RASSF10: variants seen among roughly 807,000 people sequenced by gnomAD.
RASSF10 encodes ras association domain-containing protein 10.
A neutral mutation model predicts 41.5 loss-of-function variants in RASSF10; 22 were observed. That is an observed-to-expected ratio of 0.53 (90% CI 0.38 to 0.76). The LOEUF is 0.76. RASSF10 is among the 30% of genes least tolerant of loss of function. RASSF10 has a pLI of 0.00. For missense variants in RASSF10, 776 were observed against 711.8 expected, an observed-to-expected ratio of 1.09 and a Z score of -1.03; for synonymous variants, 364 against 319.0, an observed-to-expected ratio of 1.14 and a Z score of -1.50.
rs772857129 is a variant in RASSF10 at position 13,010,935 on chromosome 11, T to C, written c.1359T>C (p.Ser453=). The C allele has an allele frequency of 3.7e-6, 6 of 1,613,466 alleles. No homozygotes were observed. Among genetic ancestry groups the C allele is most frequent in the Non-Finnish European group, 5.1e-6 (6 of 1,179,866 alleles). The change falls in exon 1 of 1, where the codon AGT becomes AGC. Residue 453 remains serine, a synonymous_variant. Coordinates refer to ENST00000529419, the MANE Select transcript of RASSF10 (RefSeq NM_001080521.3). The surrounding 1 kb of genome is among the most constrained non-coding windows in gnomAD (Gnocchi z 4.8). ...CGGATGGGGCTCCTGGCTCTGGCAG[T>C]CCCTCGCGGGAACCTGGGCCTCAAG... ...VAPDGAPGSG[S]PSREPGPQAC... is the part of the protein sequence containing the mutation.
At position 13,010,218 on chromosome 11, in the gene RASSF10, G is replaced by C. The variant is rs760018794; in HGVS notation, c.642G>C (p.Pro214=). ...SSTASSCSSS[P]RTHESASVER... Reference sequence around the variant, plus strand: ...CTGCCTCGTCCTGCTCTTCGTCGCCGCGGACCCACGAGAGCGCGTCGGTGG... The same window carrying C: ...CTGCCTCGTCCTGCTCTTCGTCGCCCCGGACCCACGAGAGCGCGTCGGTGG... Residue 214 remains proline, a synonymous_variant, in exon 1 of 1, where the codon CCG becomes CCC. Transcript: ENST00000529419. The surrounding 1 kb of genome is among the most constrained non-coding windows in gnomAD (Gnocchi z 4.8). The C allele has an allele frequency of 6.3e-7, 1 of 1,591,900 alleles. No homozygotes were observed. Among genetic ancestry groups the C allele is most frequent in the Non-Finnish European group, 8.5e-7 (1 of 1,170,656 alleles).
Position 13,009,987 on chromosome 11 carries a change from C to G in RASSF10, c.411C>G (p.Asn137Lys). ...TGCGCAGCGAGGCATCGCTGCCTAA[C>G]GCCGGCCCCCGCAGCGCCGAGGCGC... ...VLVRSEASLPNAGPRSAEARV... is the reference protein window; with the variant it reads ...VLVRSEASLPKAGPRSAEARV... Residue 137 changes from asparagine to lysine, a missense_variant, in exon 1 of 1, where the codon AAC (asparagine) becomes AAG (lysine). By Grantham distance (94) the Asn-to-Lys change is moderately conservative. Coordinates refer to ENST00000529419, the MANE Select transcript of RASSF10 (RefSeq NM_001080521.3). 1 of 1,546,372 alleles carries G rather than the reference C, an allele frequency of 6.5e-7. No individual in the cohort carries two copies. Among genetic ancestry groups the G allele is most frequent in the Non-Finnish European group, 8.7e-7 (1 of 1,144,194 alleles).
At position 13,009,640 on chromosome 11, in the gene RASSF10, C is replaced by T; in HGVS notation, c.64C>T (p.Leu22Phe). ...ICQEEKLVSG[L>F]SRRTTCSDVV... Reference sequence around the variant, plus strand: ...CCAGGAAGAGAAGCTGGTGTCCGGCCTCTCCCGCCGCACCACTTGCTCCGA... The same window carrying T: ...CCAGGAAGAGAAGCTGGTGTCCGGCTTCTCCCGCCGCACCACTTGCTCCGA... Residue 22 changes from leucine to phenylalanine, a missense_variant, in exon 1 of 1, where the codon CTC becomes TTC. Physicochemically the swap from Leu to Phe is conservative, Grantham distance 22 (BLOSUM62 0). Transcript: ENST00000529419. The T allele has an allele frequency of 1.2e-6, 2 of 1,601,762 alleles. No individual in the cohort carries two copies. The highest frequency in any genetic ancestry group is 1.7e-6 in the Non-Finnish European group (2 of 1,174,372).
rs775475574 is a variant in RASSF10, at chr11:13,009,901, C to A, written c.325C>A (p.Arg109Ser). The change falls in exon 1 of 1, where the codon CGC becomes AGC. Residue 109 changes from arginine to serine, a missense_variant. By Grantham distance (110) the Arg-to-Ser change is moderately radical. Coordinates refer to ENST00000529419, the MANE Select transcript of RASSF10 (RefSeq NM_001080521.3). ...TGAGCGCATCCTCCCCAACAAGACG[C>A]GCATCTTGCGCCTCTGGGCTGCCTG... The part of the protein sequence containing the change: ...GFERILPNKT[R>S]ILRLWAAWGE... 33 of 1,603,304 alleles carry A rather than the reference C, an allele frequency of 2.1e-5. 1 individual carries two copies. In the South Asian group the frequency reaches 3.2e-4, roughly 16 times the overall value.
In RASSF10 at chr11:13,011,697, T is replaced by C. The variant is rs1392225589; in HGVS notation, c.*597T>C. ...ACCCATCTGCTAAATCATTTGTCTT[T>C]TATTTTCTTTCAAAGGCTAAACTGT... On this transcript the variant is annotated 3_prime_UTR_variant, in exon 1 of 1. Transcript: ENST00000529419. The C allele has an allele frequency of 6.6e-6, 1 of 152,434 alleles. No individual in the cohort carries two copies. Among genetic ancestry groups the C allele is most frequent in the Non-Finnish European group, 1.5e-5 (1 of 68,204 alleles). 9.4% of individuals were successfully genotyped at this position (152,434 alleles called of 1,614,324 possible).
At position 13,010,197 on chromosome 11, in the gene RASSF10, C is replaced by T. The variant is rs1235270062; in HGVS notation, c.621C>T (p.Ala207=). The stretch of plus-strand genomic sequence containing the variant: ...GTTCGTCCACTTCGTCGTCCACTGC[C>T]TCGTCCTGCTCTTCGTCGCCGCGGA... The part of the protein sequence containing the change: ...SSCSSTSSST[A]SSCSSSPRTH... Residue 207 remains alanine (A), a synonymous_variant, in exon 1 of 1, where the codon GCC becomes GCT. Coordinates refer to ENST00000529419, the MANE Select transcript of RASSF10 (RefSeq NM_001080521.3). This position sits in a 1 kb window ranked among gnomAD's most constrained non-coding sequence, Gnocchi z 4.8. 1.9e-6 allele frequency: 3 copies of T among 1,595,756 alleles called. No individual in the cohort carries two copies. The South Asian group carries it at 3.4e-5, about 18-fold the overall frequency.
In RASSF10 at chr11:13,011,415, G is replaced by A. The variant is rs1158244684; in HGVS notation, c.*315G>A. On this transcript the variant is annotated 3_prime_UTR_variant, in exon 1 of 1. Transcript: ENST00000529419. ...GGTCCGAGCCCATTTTCAAAGTAAG[G>A]AAGTATAATGGAGATTTCGCTACTC... 1 of 279,196 alleles carries A rather than the reference G, an allele frequency of 3.6e-6. No individual in the cohort carries two copies. The highest frequency in any genetic ancestry group is 2.1e-5 in the African/African-American group (1 of 47,330). The allele number at this position is 279,196 out of a possible 1,614,324, so 17.3% of individuals were successfully genotyped here. A position where few individuals can be genotyped will look rare whatever the true frequency, so the allele number is the denominator to read the frequency against.
Position 13,009,352 on chromosome 11 carries a change from GC to G in RASSF10, c.-221del. 2 of 1,052,894 alleles carry G rather than the reference GC, an allele frequency of 1.9e-6. No individual in the cohort carries two copies. The highest frequency in any genetic ancestry group is 2.8e-6 in the Non-Finnish European group (2 of 710,226). The allele number at this position is 1,052,894 out of a possible 1,614,324, so 65.2% of individuals were successfully genotyped here. On this transcript the variant is annotated 5_prime_UTR_variant, in exon 1 of 1. Coordinates refer to ENST00000529419, the MANE Select transcript of RASSF10 (RefSeq NM_001080521.3). ...GGCGGGAGCCGGTCCTGGGCGCGTTGCCCCGGGAGCGCCCGTCGTCCGGGCA... is the reference window on the plus strand; with the variant it reads ...GGCGGGAGCCGGTCCTGGGCGCGTTGCCCGGGAGCGCCCGTCGTCCGGGCA...
Position 13,010,366 on chromosome 11 carries a change from C to G in RASSF10, c.790C>G (p.Arg264Gly). 1 of 1,551,390 alleles carries G rather than the reference C, an allele frequency of 6.4e-7. No individual in the cohort carries two copies. Among genetic ancestry groups the G allele is most frequent in the Non-Finnish European group, 8.7e-7 (1 of 1,146,954 alleles). ...CTACGAGGCCAAGGTGCACCTGGAC[C>G]GCATGCGGCGTCACGGGGTCAACTA... ...DHYEAKVHLD[R>G]MRRHGVNYVQ... Residue 264 changes from arginine to glycine, a missense_variant, in exon 1 of 1, where the codon CGC (arginine) becomes GGC (glycine). By Grantham distance (125) the Arg-to-Gly change is moderately radical. Coordinates refer to ENST00000529419, the MANE Select transcript of RASSF10 (RefSeq NM_001080521.3). This position sits in a 1 kb window ranked among gnomAD's most constrained non-coding sequence, Gnocchi z 4.8.
Position 13,010,587 on chromosome 11 carries a change from T to G in RASSF10, c.1011T>G (p.Val337=), listed in dbSNP as rs753841115. The change falls in exon 1 of 1, where the codon GTT becomes GTG. Residue 337 remains valine (V), a synonymous_variant. Coordinates refer to ENST00000529419, the MANE Select transcript of RASSF10 (RefSeq NM_001080521.3). The surrounding 1 kb of genome is among the most constrained non-coding windows in gnomAD (Gnocchi z 4.8). ...DDLLRLQEQR[V]QQEELLERLS... ...TGCTGCGGCTTCAGGAGCAACGGGT[T>G]CAGCAGGAGGAGTTGCTGGAGCGCC... 4 of 1,572,510 alleles carry G rather than the reference T, an allele frequency of 2.5e-6. No homozygotes were observed. The South Asian group carries it at 4.7e-5, about 18-fold the overall frequency.
Position 13,009,997 on chromosome 11 carries a change from C to A in RASSF10, c.421C>A (p.Arg141Ser). ...SEASLPNAGP[R>S]SAEARVVLSR... ...GGCATCGCTGCCTAACGCCGGCCCC[C>A]GCAGCGCCGAGGCGCGCGTAGTGCT... The change falls in exon 1 of 1, where the codon CGC (arginine) becomes AGC (serine). Residue 141 changes from arginine (R) to serine (S), a missense_variant. By Grantham distance (110) the Arg-to-Ser change is moderately radical (BLOSUM62 -1). Transcript: ENST00000529419. The A allele has an allele frequency of 6.5e-7, 1 of 1,544,796 alleles. No homozygotes were observed. Among genetic ancestry groups the A allele is most frequent in the Non-Finnish European group, 8.7e-7 (1 of 1,143,444 alleles).
Position 13,010,740 on chromosome 11 carries a change from A to G in RASSF10, c.1164A>G (p.Glu388=), listed in dbSNP as rs759708953. Reference sequence around the variant, plus strand: ...ACGGCGAGCTGCTGCTGGAGCAGGAACGGGTCAGGACGCAGCTCAGTACCA... The same window carrying G: ...ACGGCGAGCTGCTGCTGGAGCAGGAGCGGGTCAGGACGCAGCTCAGTACCA... ...GPDGELLLEQ[E]RVRTQLSTSL... Residue 388 remains glutamate, a synonymous_variant, in exon 1 of 1, where the codon GAA becomes GAG. Transcript: ENST00000529419. The surrounding 1 kb of genome is among the most constrained non-coding windows in gnomAD (Gnocchi z 4.8). The G allele has an allele frequency of 4.4e-6, 7 of 1,601,420 alleles. No individual in the cohort carries two copies. The highest frequency in any genetic ancestry group is 5.1e-6 in the Non-Finnish European group (6 of 1,174,238).
Position 13,011,349 on chromosome 11 carries a change from C to T in RASSF10, c.*249C>T, listed in dbSNP as rs1266790908. ...GAGGGAAGGAGGGAGGAGGCAAGAA[C>T]CCCCTATACTGGAAAACAAACAACC... On this transcript the variant is annotated 3_prime_UTR_variant, in exon 1 of 1. Transcript: ENST00000529419. The T allele has an allele frequency of 1.6e-5, 7 of 446,118 alleles. No individual in the cohort carries two copies. Among genetic ancestry groups the T allele is most frequent in the Non-Finnish European group, 2.8e-5 (7 of 250,298 alleles). 27.6% of individuals were successfully genotyped at this position (446,118 alleles called of 1,614,324 possible). A position where few individuals can be genotyped will look rare whatever the true frequency, so the allele number is the denominator to read the frequency against.
Position 13,010,484 on chromosome 11 carries a change from A to AGGCGGCGGC in RASSF10, c.913_921dup (p.Ala305_Ala307dup), listed in dbSNP as rs966601417. ...GAAGAGGTGGCGGCGGAGGCGGAGG[A>AGGCGGCGGC]GGCGGCGGCGGCGCCCCCTCTAGCC... is the stretch of plus-strand genomic sequence containing the variant. On this transcript the variant is annotated inframe_insertion, in exon 1 of 1. Transcript: ENST00000529419. This position sits in a 1 kb window ranked among gnomAD's most constrained non-coding sequence, Gnocchi z 4.8. The AGGCGGCGGC allele has an allele frequency of 3.3e-6, 5 of 1,517,628 alleles. No homozygotes were observed. Among genetic ancestry groups the AGGCGGCGGC allele is most frequent in the African/African-American group, 2.8e-5 (2 of 71,766 alleles). The allele number at this position is 1,517,628 out of a possible 1,614,324, so 94.0% of individuals were successfully genotyped here.
Position 13,010,130 on chromosome 11 carries a change from C to G in RASSF10, c.554C>G (p.Ala185Gly). 1 of 1,558,740 alleles carries G rather than the reference C, an allele frequency of 6.4e-7. No individual in the cohort carries two copies. The highest frequency in any genetic ancestry group is 1.2e-5 in the South Asian group (1 of 84,394). Reference protein sequence around the residue: ...RVVRKAFRKLAKLNRRRQQQT... With the variant: ...RVVRKAFRKLGKLNRRRQQQT... Reference sequence around the variant, plus strand: ...GTGCGCAAGGCCTTTCGCAAACTGGCCAAGCTCAACCGGCGGCGCCAGCAG... The same window carrying G: ...GTGCGCAAGGCCTTTCGCAAACTGGGCAAGCTCAACCGGCGGCGCCAGCAG... The change falls in exon 1 of 1, where the codon GCC (alanine) becomes GGC (glycine). Residue 185 changes from alanine to glycine, a missense_variant. Transcript: ENST00000529419. This position sits in a 1 kb window ranked among gnomAD's most constrained non-coding sequence, Gnocchi z 4.8.
chr11:13,009,335 C>T lies in RASSF10; in HGVS notation c.-242C>T, dbSNP rs1949553624. On this transcript the variant is annotated 5_prime_UTR_variant, in exon 1 of 1. Transcript: ENST00000529419. ...TTGGGCAGAGCCAGAGCGGCGGGAG[C>T]CGGTCCTGGGCGCGTTGCCCCGGGA... 4 of 919,942 alleles carry T rather than the reference C, an allele frequency of 4.3e-6. No individual in the cohort carries two copies. Among genetic ancestry groups the T allele is most frequent in the Admixed American group, 2.0e-5 (1 of 49,934 alleles). 57.0% of individuals were successfully genotyped at this position (919,942 alleles called of 1,614,324 possible).
rs766216323 is a variant in RASSF10, at chr11:13,009,439, G to GT, written c.-138_-137insT. On this transcript the variant is annotated 5_prime_UTR_variant, in exon 1 of 1. Coordinates refer to ENST00000529419, the MANE Select transcript of RASSF10 (RefSeq NM_001080521.3). ...CTTTCCAGCCTGCCTTCGGTGCGCA[G>GT]CGGGGGAACAGGGCTAGTGCAGCCG... 1 of 1,494,702 alleles carries GT rather than the reference G, an allele frequency of 6.7e-7. No homozygotes were observed. Among genetic ancestry groups the GT allele is most frequent in the Non-Finnish European group, 8.9e-7 (1 of 1,123,486 alleles). The allele number at this position is 1,494,702 out of a possible 1,614,324, so 92.6% of individuals were successfully genotyped here.
rs1049415274 is a variant in RASSF10 at position 13,011,327 on chromosome 11, G to C, written c.*227G>C. 4.0e-6 allele frequency: 2 copies of C among 497,538 alleles called. No individual in the cohort carries two copies. The highest frequency in any genetic ancestry group is 7.5e-5 in the South Asian group (2 of 26,520). The allele number at this position is 497,538 out of a possible 1,614,324, so 30.8% of individuals were successfully genotyped here. ...CTCAATACAAGCTCATTAAAGAGAGGGAAGGAGGGAGGAGGCAAGAACCCC... is the reference window on the plus strand; with the variant it reads ...CTCAATACAAGCTCATTAAAGAGAGCGAAGGAGGGAGGAGGCAAGAACCCC... On this transcript the variant is annotated 3_prime_UTR_variant, in exon 1 of 1. Coordinates refer to ENST00000529419, the MANE Select transcript of RASSF10 (RefSeq NM_001080521.3).
chr11:13,009,646 C>T lies in RASSF10; in HGVS notation c.70C>T (p.Arg24Cys). 6 of 1,607,700 alleles carry T rather than the reference C, an allele frequency of 3.7e-6. No individual in the cohort carries two copies. The highest frequency in any genetic ancestry group is 1.3e-5 in the African/African-American group (1 of 74,960). Residue 24 changes from arginine (R) to cysteine (C), a missense_variant, in exon 1 of 1, where the codon CGC becomes TGC. Arg to Cys is a radical substitution (Grantham distance 180, BLOSUM62 -3). Coordinates refer to ENST00000529419, the MANE Select transcript of RASSF10 (RefSeq NM_001080521.3). ...AGAGAAGCTGGTGTCCGGCCTCTCC[C>T]GCCGCACCACTTGCTCCGACGTTGT... ...QEEKLVSGLS[R>C]RTTCSDVVRV...
Sources: gnomAD v4.1 joint callset for allele counts on GRCh38, gnomAD v4.1.1 for gene constraint, Gnocchi (gnomAD v3.1) non-coding constraint, MANE v1.5 for transcripts, NCBI Gene and HGNC (gene_info 2026-07-23, HGNC 2026-07-21) for gene names.